Variants in ATXN7 observed in about 807,000 individuals in gnomAD.
ATXN7 encodes the protein ataxin 7, also known as ataxin-7.
ATXN7 carries 12 observed loss-of-function variants against 70.5 expected under a neutral mutation model. The ratio of observed to expected loss-of-function variants is 0.17; its 90% CI spans 0.11 to 0.28. The LOEUF (loss-of-function observed/expected upper bound fraction) is 0.28. ATXN7 is among the 10% of genes least tolerant of loss of function. The pLI is 1.00. For synonymous variants in ATXN7, 498 were observed against 448.7 expected (o/e 1.11, Z -1.39); for missense variants, 1,256 against 1,131.7 (o/e 1.11, Z -1.58).
At chr3:63,955,719 C>A (rs2106671813) in intron 5 of ATXN7, among the ~76,000 whole-genome samples, 1 of 152,282 alleles carries the variant, frequency 6.6e-6, no homozygotes. Context: ...TATTTACGTG[C>A]CAAAAGAGGG....
chr3:63,878,650 G>T (rs1013801345), intron 1 of ATXN7: 1 of 152,340 alleles, frequency 6.6e-6, no homozygotes, highest in East Asian at 1.9e-4. Flanking sequence ...GACGGGCAGA[G>T]TTCAGGATGA....
At chr3:63,974,004 C>G (rs1217718750) in intron 5 of ATXN7, among the ~76,000 whole-genome samples, 2 of 152,162 alleles carry the variant, frequency 1.3e-5, no homozygotes, top group East Asian at 3.9e-4. Context: ...AAGACAAATT[C>G]TTAATCCAGT....
intron 4 of ATXN7, among the ~76,000 whole-genome samples, chr3:63,936,775 AAG>A (rs1400189563): frequency 1.3e-5 from 2 of 152,162 alleles, no homozygotes; most frequent in African/African-American, 4.8e-5. Context: ...AACATAATGA[AAG>A]AGATAATGAT....
At chr3:63,917,576 TTC>T (rs1704334207) in intron 4 of ATXN7, among the ~76,000 whole-genome samples, 2 of 152,150 alleles carry the variant, frequency 1.3e-5, no homozygotes, top group Admixed American at 1.3e-4. Flanking sequence ...TGTCCATAAC[TTC>T]TCTAAGTCTA....
intron 2 of ATXN7, among the ~76,000 whole-genome samples, chr3:63,898,975 T>G (rs888038445): frequency 7.2e-5 from 11 of 152,248 alleles, no homozygotes; most frequent in African/African-American, 2.6e-4. Flanking sequence ...CTGGGCCCAT[T>G]GCCTTTGCCC....
chr3:63,895,162 T>C (rs1163583379), intron 1 of ATXN7, among the ~76,000 whole-genome samples: 2 of 152,234 alleles, frequency 1.3e-5, no homozygotes, highest in Non-Finnish European at 2.9e-5. Flanking sequence ...CAAGACTGAC[T>C]TGGTTTAGCC....
intron 4 of ATXN7, among the ~76,000 whole-genome samples, chr3:63,923,975 G>T (rs1397643075): frequency 6.6e-6 from 1 of 152,170 alleles, no homozygotes. Flanking sequence ...GGTAGCTTCA[G>T]CAAGGGAATG....
At position 63,863,941 on chromosome 3, in the gene ATXN7, G is replaced by A; in HGVS notation, c.-328G>A. ...GGCCGCCTGCTCCGACGCCTGAGCC[G>A]CGCCGCGCCGCGCCGCCGCCGCCGC... On this transcript the variant is annotated 5_prime_UTR_variant, in exon 1 of 13. Transcript: ENST00000674280. 2 of 168,914 alleles carry A rather than the reference G, an allele frequency of 1.2e-5. No homozygotes were observed. Among genetic ancestry groups the A allele is most frequent in the Non-Finnish European group, 2.0e-5 (2 of 97,638 alleles). 10.5% of individuals were successfully genotyped at this position (168,914 alleles called of 1,614,324 possible).
intron 1 of ATXN7, among the ~76,000 whole-genome samples, chr3:63,896,384 CTA>C (rs1161692975): frequency 1.3e-5 from 2 of 152,128 alleles, no homozygotes; most frequent in African/African-American, 2.4e-5. Flanking sequence ...TTTTCCAAGT[CTA>C]TTTAAAATGA....
At position 63,980,121 on chromosome 3, in the gene ATXN7, A is replaced by G; in HGVS notation, c.706A>G (p.Arg236Gly). The G allele has an allele frequency of 6.2e-7, 1 of 1,614,224 alleles. No individual in the cohort carries two copies. Among genetic ancestry groups the G allele is most frequent in the African/African-American group, 1.3e-5 (1 of 75,066 alleles). ...KEKLQLRGNT[R>G]PMHPIQQSRV... ...GAAACTGCAGCTCAGGGGGAACACC[A>G]GGCCAATGCATCCCATTCAGCAAAG... Residue 236 changes from arginine to glycine, a missense_variant, in exon 6 of 13, where the codon AGG (arginine) becomes GGG (glycine). By Grantham distance (125) the Arg-to-Gly change is moderately radical. Coordinates refer to ENST00000674280, the MANE Select transcript of ATXN7 (RefSeq NM_001377405.1).
At position 63,982,199 on chromosome 3, in the gene ATXN7, G is replaced by C. The variant is rs771693138; in HGVS notation, c.766G>C (p.Val256Leu). 1.1e-5 allele frequency: 17 copies of C among 1,614,008 alleles called. No individual in the cohort carries two copies. Among genetic ancestry groups the C allele is most frequent in the Non-Finnish European group, 1.3e-5 (15 of 1,180,046 alleles). ...VPHGRIMTPS[V>L]KVEKIHPKMD... The stretch of plus-strand genomic sequence containing the variant: ...CTCCTGTGACAGCATGACACCCTCT[G>C]TGAAAGTGGAAAAGATTCATCCGAA... The change falls in exon 7 of 13, where the codon GTG (valine) becomes CTG (leucine). Residue 256 changes from valine to leucine, a missense_variant. Physicochemically the swap from Val to Leu is conservative, Grantham distance 32 (BLOSUM62 1). Transcript: ENST00000674280.
At chr3:63,873,635 T>G (rs1702660437) in intron 1 of ATXN7, 1 of 152,220 alleles carries the variant, frequency 6.6e-6, no homozygotes, top group South Asian at 2.1e-4. Context: ...AGACATTGTA[T>G]CACATATAAG....
At chr3:63,990,465 G>T in intron 10 of ATXN7, 91 bp downstream of exon 10, 2 of 1,475,052 alleles carry the variant, frequency 1.4e-6, no homozygotes, top group South Asian at 1.2e-5. Flanking sequence ...TGGCATGCCC[G>T]TATGTGTGGG....
chr3:63,965,174 A>T (rs925919830), intron 5 of ATXN7, among the ~76,000 whole-genome samples: 1 of 152,140 alleles, frequency 6.6e-6, no homozygotes, highest in East Asian at 1.9e-4. Context: ...TCTATCATCC[A>T]TCCAGTTTCT....
intron 4 of ATXN7, among the ~76,000 whole-genome samples, chr3:63,939,480 G>A (rs927158561): frequency 3.9e-5 from 6 of 152,030 alleles, no homozygotes; most frequent in African/African-American, 1.5e-4. Context: ...ACAAACTGAT[G>A]ATATTATCCT....
chr3:63,884,236 C>T (rs62251624), intron 1 of ATXN7, among the ~76,000 whole-genome samples: 2 of 122,302 alleles, frequency 1.6e-5, no homozygotes, highest in East Asian at 5.0e-4. Context: ...CACACACACA[C>T]ACACATACTC....
rs768562639 is a variant in ATXN7 at position 63,912,798 on chromosome 3, C to G, written c.200C>G (p.Ala67Gly). The change falls in exon 3 of 13, where the codon GCC (alanine) becomes GGC (glycine). Residue 67 changes from alanine (A) to glycine (G), a missense_variant. By Grantham distance (60) the Ala-to-Gly change is moderately conservative. Transcript: ENST00000674280. The stretch of plus-strand genomic sequence containing the variant: ...CGGCCGGAGGACGGCGGGCCCGGCG[C>G]CGCCTCCACCTCGGCCGCCGCAATG... ...RTRPEDGGPG[A>G]ASTSAAAMAT... The G allele has an allele frequency of 9.0e-6, 14 of 1,549,412 alleles. No individual in the cohort carries two copies. In the South Asian group the frequency reaches 1.6e-4, roughly 18 times the overall value.
intron 4 of ATXN7, among the ~76,000 whole-genome samples, chr3:63,923,179 G>C (rs1017180226): frequency 5.3e-5 from 8 of 152,104 alleles, no homozygotes; most frequent in African/African-American, 2.4e-5. Context: ...CATGTTCTCT[G>C]GGCCTCATGC....
chr3:63,881,015 T>C (rs1702891295), intron 1 of ATXN7, among the ~76,000 whole-genome samples: 1 of 152,218 alleles, frequency 6.6e-6, no homozygotes, highest in African/African-American at 2.4e-5. Flanking sequence ...GGTTTGCTTC[T>C]TGGAGTCGCA....
Sources: allele counts gnomAD v4.1 joint callset (sites outside exome capture counted in the v4.1 genomes callset), GRCh38; gene constraint gnomAD v4.1.1; transcripts MANE v1.5; gene names NCBI Gene and HGNC (gene_info 2026-07-23, HGNC 2026-07-21).